The following RABGAP1 variants were observed in gnomAD, a reference collection of about 807,000 sequenced individuals.
RABGAP1 encodes RAB GTPase activating protein 1, also known as rab GTPase-activating protein 1.
RABGAP1 carries 23 observed loss-of-function variants against 137.6 expected under a neutral mutation model. The observed-to-expected ratio is 0.17, with a 90% CI of 0.12 to 0.24. The LOEUF (loss-of-function observed/expected upper bound fraction) is 0.24, where lower values mean the gene tolerates loss of function less well. Among genes scored for constraint, RABGAP1 ranks in the 10% least tolerant of loss-of-function variants. RABGAP1 has a pLI of 1.00. For missense variants in RABGAP1, 906 were observed against 1,275.8 expected, an observed-to-expected ratio of 0.71 and a Z score of 4.42; for synonymous variants, 451 against 450.7, an observed-to-expected ratio of 1.00 and a Z score of -0.01.
At chr9:122,987,181 A>G (rs1382088594) in intron 4 of RABGAP1, among the ~76,000 whole-genome samples, 1 of 152,206 alleles carries the variant, frequency 6.6e-6, no homozygotes, top group African/African-American at 2.4e-5. Context: ...TGAGGCACAG[A>G]GAAGCCTCTA....
intron 13 of RABGAP1, among the ~76,000 whole-genome samples, chr9:123,056,939 A>G (rs984388887): frequency 1.3e-5 from 2 of 152,194 alleles, no homozygotes; most frequent in Non-Finnish European, 2.9e-5. Flanking sequence ...CCCCTTTTCT[A>G]TTCCACAAAA....
intron 19 of RABGAP1, among the ~76,000 whole-genome samples, chr9:123,078,706 A>T (rs2132168601): frequency 6.6e-6 from 1 of 152,124 alleles, no homozygotes; most frequent in South Asian, 2.1e-4. Context: ...CCCCATCTCA[A>T]TTAGGGGTAC....
At chr9:123,015,379 A>G (rs1477880907) in intron 11 of RABGAP1, among the ~76,000 whole-genome samples, 164 bp from the exon 12 acceptor site, 1 of 151,194 alleles carries the variant, frequency 6.6e-6, no homozygotes, top group African/African-American at 2.4e-5. Context: ...TTTTACCTAG[A>G]ACTATTTTTA....
At chr9:122,936,437 T>C (rs1018950573), upstream of RABGAP1, among the ~76,000 whole-genome samples, 1 of 151,870 alleles carries the variant, frequency 6.6e-6, no homozygotes, top group African/African-American at 2.4e-5. Flanking sequence ...AACTCTGGAG[T>C]CTATTCGAAT....
chr9:123,079,979 G>T (rs1478443942), intron 19 of RABGAP1, among the ~76,000 whole-genome samples: 1 of 152,194 alleles, frequency 6.6e-6, no homozygotes, highest in Non-Finnish European at 1.5e-5. Flanking sequence ...GATTGAATAA[G>T]TGAATGAATA....
chr9:123,093,294 A>G (rs770585831), intron 21 of RABGAP1, among the ~76,000 whole-genome samples: 14 of 152,214 alleles, frequency 9.2e-5, no homozygotes, highest in Non-Finnish European at 1.3e-4. Flanking sequence ...ATTCCATGCC[A>G]GCCACTTAAT....
intron 3 of RABGAP1, among the ~76,000 whole-genome samples, chr9:122,985,590 C>A (rs796558920): frequency 1.6e-5 from 2 of 123,112 alleles, no homozygotes; most frequent in African/African-American, 6.2e-5. Flanking sequence ...TTCAGCCTGG[C>A]GACAGAGCGA....
At chr9:123,017,498 A>T (rs2031319403) in intron 12 of RABGAP1, among the ~76,000 whole-genome samples, 1 of 152,038 alleles carries the variant, frequency 6.6e-6, no homozygotes, top group South Asian at 2.1e-4. Flanking sequence ...ATTTTTTCTC[A>T]TTATTATTTG....
the RABGAP1 span, among the ~76,000 whole-genome samples, chr9:122,933,661 C>G: frequency 9.2e-5 from 14 of 152,088 alleles, no homozygotes; most frequent in African/African-American, 2.7e-4. Context: ...GAGTCTTGCT[C>G]TGTCGCCCAG....
At chr9:123,002,270 C>G (rs370619423) in intron 10 of RABGAP1, among the ~76,000 whole-genome samples, 2 of 150,162 alleles carry the variant, frequency 1.3e-5, no homozygotes, top group Non-Finnish European at 1.5e-5. Flanking sequence ...CATCGCACTC[C>G]AGCCTGGGCA....
At chr9:122,934,327 C>G in the RABGAP1 span, among the ~76,000 whole-genome samples, 1 of 152,104 alleles carries the variant, frequency 6.6e-6, no homozygotes, top group African/African-American at 2.4e-5. Context: ...ATCCGCCCAC[C>G]TCAGCCTCCC....
Position 122,951,573 on chromosome 9 carries a change from A to T in RABGAP1, c.-49-5438A>T, listed in dbSNP as rs563319901. Among the ~76,000 whole-genome samples the T allele has an allele frequency of 2.1e-5, 3 of 144,174 alleles. No homozygotes were observed. In the South Asian group the frequency reaches 6.6e-4, roughly 32 times the overall value. 94.6% of individuals were successfully genotyped at this position (144,174 alleles called of 152,430 possible). A position where few individuals can be genotyped will look rare whatever the true frequency, so the allele number is the denominator to read the frequency against. ...AAGAGGAGATTGAGAATGAATGTGAATTTTTTTTTTTTTTTGAGATGGGGT... is the reference window on the plus strand; with the variant it reads ...AAGAGGAGATTGAGAATGAATGTGATTTTTTTTTTTTTTTTGAGATGGGGT... On this transcript the variant is annotated intron_variant, in intron 1 of 25. Coordinates refer to ENST00000373647, the MANE Select transcript of RABGAP1 (RefSeq NM_012197.4).
chr9:122,996,853 T>C, intron 8 of RABGAP1: 1 of 475,286 alleles, frequency 2.1e-6, no homozygotes, highest in Non-Finnish European at 3.8e-6. Context: ...TTGAGTACAG[T>C]TGATGTGATA....
intron 13 of RABGAP1, among the ~76,000 whole-genome samples, chr9:123,036,622 T>C (rs1012249513): frequency 7.2e-5 from 11 of 152,182 alleles, no homozygotes; most frequent in Non-Finnish European, 1.6e-4. Context: ...GTATACAGAT[T>C]GTTTTTTTAA....
intron 1 of RABGAP1, among the ~76,000 whole-genome samples, chr9:122,951,308 G>A (rs150210272): frequency 1.9e-3 from 286 of 152,108 alleles, no homozygotes; most frequent in African/African-American, 6.1e-3. Context: ...AGGTGGTTTT[G>A]CCTCTGCTAA....
intron 12 of RABGAP1, 114 bp downstream of exon 12, chr9:123,015,750 T>G: frequency 1.6e-6 from 1 of 616,632 alleles, no homozygotes; most frequent in Non-Finnish European, 2.8e-6. Context: ...GCGCAATGTT[T>G]GCATTCTGTG....
At chr9:123,000,543 C>G (rs1263152812) in intron 10 of RABGAP1, among the ~76,000 whole-genome samples, 2 of 152,166 alleles carry the variant, frequency 1.3e-5, no homozygotes, top group Admixed American at 1.3e-4. Context: ...TAAAGCTCCT[C>G]TTTATCTTGG....
intron 1 of RABGAP1, among the ~76,000 whole-genome samples, chr9:122,955,017 A>G (rs1834435620): frequency 6.6e-6 from 1 of 152,236 alleles, no homozygotes; most frequent in East Asian, 1.9e-4. Context: ...TAAGGGCAAC[A>G]GTTCTTTGGA....
At chr9:123,080,250 G>A (rs2034664813) in intron 19 of RABGAP1, among the ~76,000 whole-genome samples, 1 of 152,128 alleles carries the variant, frequency 6.6e-6, no homozygotes. Context: ...TGTCTGCACA[G>A]CACATATATT....
Sources: gnomAD v4.1 joint callset for allele counts (sites outside exome capture counted in the v4.1 genomes callset) on GRCh38, gnomAD v4.1.1 for gene constraint, MANE v1.5 for transcripts, NCBI Gene and HGNC (gene_info 2026-07-23, HGNC 2026-07-21) for gene names.